The following ARID1B variants were observed in gnomAD, a reference collection of about 807,000 sequenced individuals.
The protein encoded by ARID1B is AT-rich interactive domain-containing protein 1B.
In ARID1B, 30 loss-of-function variants were observed where a neutral mutation model predicts 212.3. The ratio of observed to expected loss-of-function variants is 0.14; its 90% CI spans 0.11 to 0.19. The LOEUF (loss-of-function observed/expected upper bound fraction) is 0.19. Among genes scored for constraint, ARID1B ranks in the 10% least tolerant of loss-of-function variants. The pLI is 1.00. For synonymous variants in ARID1B, 1,402 were observed against 1,301.7 expected, an observed-to-expected ratio of 1.08 and a Z score of -1.66; for missense variants, 2,891 against 3,204.0, an observed-to-expected ratio of 0.90 and a Z score of 2.36.
chr6:156,845,301 C>T (rs1030663140), intron 2 of ARID1B, among the ~76,000 whole-genome samples: 6 of 152,170 alleles, frequency 3.9e-5, no homozygotes, highest in Non-Finnish European at 7.3e-5. Context: ...CCTCCTGGCC[C>T]GCTGCGCATT....
intron 2 of ARID1B, among the ~76,000 whole-genome samples, chr6:156,885,830 C>T (rs928014448): frequency 5.3e-5 from 8 of 152,192 alleles, no homozygotes; most frequent in East Asian, 1.9e-4. Context: ...CGACTCACAA[C>T]GAAGCCTCCC....
intron 4 of ARID1B, among the ~76,000 whole-genome samples, chr6:157,012,163 T>TGTAA (rs1433030632): frequency 6.6e-6 from 1 of 152,208 alleles, no homozygotes; most frequent in East Asian, 1.9e-4. Context: ...AACTGCAGGA[T>TGTAA]GTAATTAAGA....
chr6:157,177,981 G>A (rs966659819), intron 11 of ARID1B, among the ~76,000 whole-genome samples: 4 of 152,158 alleles, frequency 2.6e-5, no homozygotes, highest in African/African-American at 9.7e-5. Context: ...GAGTGATAAC[G>A]TACATGCTCT....
intron 4 of ARID1B, among the ~76,000 whole-genome samples, chr6:157,040,102 A>T (rs1052899611): frequency 6.6e-6 from 1 of 151,910 alleles, no homozygotes; most frequent in Non-Finnish European, 1.5e-5. Context: ...GGCGCGTGCC[A>T]CTAATTTTTG....
intron 13 of ARID1B, chr6:157,185,286 T>C (rs1408053806): frequency 2.6e-5 from 4 of 152,344 alleles, no homozygotes; most frequent in East Asian, 1.9e-4. Context: ...CTTACTCCAG[T>C]AGATCCGACC....
At chr6:156,854,164 A>T (rs1423313894) in intron 2 of ARID1B, among the ~76,000 whole-genome samples, 1 of 152,148 alleles carries the variant, frequency 6.6e-6, no homozygotes, top group African/African-American at 2.4e-5. Context: ...TTCTTCAGGG[A>T]GTTGTGAATT....
intron 2 of ARID1B, among the ~76,000 whole-genome samples, chr6:156,867,100 A>G (rs376475983): frequency 6.6e-6 from 1 of 152,192 alleles, no homozygotes; most frequent in Non-Finnish European, 1.5e-5. Flanking sequence ...CATCCATTGC[A>G]TACTCTGACA....
intron 2 of ARID1B, among the ~76,000 whole-genome samples, chr6:156,841,090 A>G (rs562909600): frequency 3.3e-5 from 5 of 152,302 alleles, no homozygotes; most frequent in South Asian, 4.1e-4. Context: ...AGAGAGTTCT[A>G]CCACATGTGG....
chr6:156,911,599 T>C (rs1045547606), intron 3 of ARID1B, among the ~76,000 whole-genome samples: 1 of 152,216 alleles, frequency 6.6e-6, no homozygotes, highest in African/African-American at 2.4e-5. Flanking sequence ...TAAAGTGAGT[T>C]CCCTATGTAT....
At chr6:156,897,964 G>A (rs1461528507) in intron 2 of ARID1B, among the ~76,000 whole-genome samples, 2 of 152,146 alleles carry the variant, frequency 1.3e-5, no homozygotes, top group African/African-American at 4.8e-5. Context: ...TTTTCCAGGA[G>A]CTTATATTCT....
At chr6:156,998,775 A>G (rs2128422612) in intron 4 of ARID1B, among the ~76,000 whole-genome samples, 1 of 152,300 alleles carries the variant, frequency 6.6e-6, no homozygotes, top group South Asian at 2.1e-4. Flanking sequence ...TAGGGAGAAA[A>G]TCAACAACTG....
chr6:156,829,090 T>G, intron 1 of ARID1B, 137 bp from the exon 2 acceptor site: 1 of 687,178 alleles, frequency 1.5e-6, no homozygotes, highest in Non-Finnish European at 2.3e-6. Flanking sequence ...TGCTGGATGT[T>G]TTGTCAGGTC....
In ARID1B at chr6:156,778,268, CCAGCAGCAG is replaced by C. The variant is rs587779743; in HGVS notation, c.603_611del (p.Gln212_Gln214del). On this transcript the variant is annotated inframe_deletion, in exon 1 of 20. Coordinates refer to ENST00000636930, the MANE Select transcript of ARID1B (RefSeq NM_001374828.1). ...CACTACAGCAGCAGCTAAACCAGTT[CCAGCAGCAG>C]CAGCAGCAGCAGCAACAGCAGCAGC... The C allele has an allele frequency of 2.9e-4, 448 of 1,536,818 alleles. No homozygotes were observed. Among genetic ancestry groups the C allele is most frequent in the African/African-American group, 1.0e-3 (73 of 72,664 alleles).
At chr6:156,783,000 A>C (rs186958123) in intron 1 of ARID1B, among the ~76,000 whole-genome samples, 220 of 151,260 alleles carry the variant, frequency 1.5e-3, no homozygotes, top group Middle Eastern at 6.8e-3. Context: ...AGTGGTAGCC[A>C]CTCTTTAAGA....
intron 4 of ARID1B, among the ~76,000 whole-genome samples, chr6:157,074,644 T>G (rs978170438): frequency 3.9e-5 from 6 of 152,228 alleles, no homozygotes; most frequent in Non-Finnish European, 7.3e-5. Context: ...TTTTGGTCTC[T>G]CCCTTGTTCA....
At chr6:157,091,411 C>G (rs189188341) in intron 5 of ARID1B, among the ~76,000 whole-genome samples, 1 of 152,204 alleles carries the variant, frequency 6.6e-6, no homozygotes, top group African/African-American at 2.4e-5. Context: ...GTAGATTTCT[C>G]TACCAGCCGA....
chr6:156,931,638 G>A (rs1211729665), intron 3 of ARID1B, among the ~76,000 whole-genome samples: 2 of 152,048 alleles, frequency 1.3e-5, no homozygotes, highest in Non-Finnish European at 2.9e-5. Context: ...GGGAAGTATA[G>A]TGATACCCCA....
intron 3 of ARID1B, among the ~76,000 whole-genome samples, chr6:156,931,558 A>G (rs942316978): frequency 1.3e-5 from 2 of 152,186 alleles, no homozygotes; most frequent in Non-Finnish European, 2.9e-5. Context: ...GCCTGGGCAC[A>G]GTGGCTCATT....
Position 157,050,678 on chromosome 6 carries a change from A to T in ARID1B, c.2248-33984A>T, listed in dbSNP as rs189229210. On this transcript the variant is annotated intron_variant, in intron 4 of 19. Transcript: ENST00000636930. Reference sequence around the variant, plus strand: ...ATTTTGGTAGTAAATAACCTTCATTAAAAAAGTTAATTTTTTTGTTTTACC... The same window carrying T: ...ATTTTGGTAGTAAATAACCTTCATTTAAAAAGTTAATTTTTTTGTTTTACC... Among the ~76,000 whole-genome samples the T allele has an allele frequency of 4.5e-3, 681 of 152,356 alleles. 4 individuals carry two copies. Among genetic ancestry groups the T allele is most frequent in the African/African-American group, 0.015 (643 of 41,586 alleles).
Sources: gnomAD v4.1 joint callset for allele counts (sites outside exome capture counted in the v4.1 genomes callset) on GRCh38, gnomAD v4.1.1 for gene constraint, MANE v1.5 for transcripts, NCBI Gene and HGNC (gene_info 2026-07-23, HGNC 2026-07-21) for gene names.